The following TRPM3 variants were observed in gnomAD, a reference collection of about 807,000 sequenced individuals.
The protein encoded by TRPM3 is long transient receptor potential channel 3.
In TRPM3, 77 loss-of-function variants were observed where a neutral mutation model predicts 181.2. The ratio of observed to expected loss-of-function variants is 0.42; its 90% CI spans 0.35 to 0.51. The LOEUF (loss-of-function observed/expected upper bound fraction) is 0.51, where lower values mean the gene tolerates loss of function less well. TRPM3 is among the 20% of genes least tolerant of loss of function. The pLI, the probability that TRPM3 is intolerant of heterozygous loss-of-function variation, is 0.01. For missense variants in TRPM3, 1,759 were observed against 2,196.7 expected (o/e 0.80, Z 3.98); for synonymous variants, 745 against 796.4 (o/e 0.94, Z 1.09).
intron 22 of TRPM3, among the ~76,000 whole-genome samples, chr9:70,589,929 CG>C (rs1168947810): frequency 6.6e-6 from 1 of 152,098 alleles, no homozygotes; most frequent in Non-Finnish European, 1.5e-5. Flanking sequence ...TCAGTCCTAC[CG>C]GGGATGGGCA....
chr9:70,825,000 C>A (rs1162374079), intron 6 of TRPM3: 1 of 152,186 alleles, frequency 6.6e-6, no homozygotes, highest in Non-Finnish European at 1.5e-5. Flanking sequence ...TCACTCCCTA[C>A]CCTCTAAGGA....
chr9:71,371,635 T>C (rs1029500391), intron 1 of TRPM3, among the ~76,000 whole-genome samples: 15 of 152,218 alleles, frequency 9.9e-5, no homozygotes, highest in African/African-American at 3.4e-4. Flanking sequence ...CTGGTGAAGA[T>C]GCTTCACCAG....
At chr9:70,891,926 C>A (rs1668127905) in intron 1 of TRPM3, among the ~76,000 whole-genome samples, 2 of 152,158 alleles carry the variant, frequency 1.3e-5, no homozygotes, top group Admixed American at 6.5e-5. Context: ...GCCTTAGGCG[C>A]TTACCATATC....
chr9:70,909,775 A>G (rs117057966), intron 1 of TRPM3, among the ~76,000 whole-genome samples: 2,046 of 152,346 alleles, frequency 0.013, 19 homozygotes, highest in Non-Finnish European at 0.02. Flanking sequence ...AGAATTATTT[A>G]GGTCAGTGCA....
chr9:70,882,772 G>T (rs1049468290), intron 1 of TRPM3, among the ~76,000 whole-genome samples: 20 of 152,244 alleles, frequency 1.3e-4, no homozygotes, highest in Admixed American at 7.2e-4. Context: ...TTGATCATAT[G>T]AGGTCTACCT....
chr9:70,886,613 G>A (rs1166455807), intron 1 of TRPM3, among the ~76,000 whole-genome samples: 1 of 152,102 alleles, frequency 6.6e-6, no homozygotes, highest in Admixed American at 6.6e-5. Flanking sequence ...TGGGGATGGC[G>A]ATCCTCTGTG....
intron 6 of TRPM3, among the ~76,000 whole-genome samples, chr9:70,823,257 G>T (rs2093328242): frequency 6.6e-6 from 1 of 152,114 alleles, no homozygotes; most frequent in South Asian, 2.1e-4. Context: ...CCTCCTGAAG[G>T]CATTTCCTTG....
chr9:71,220,056 T>C (rs191324849), intron 1 of TRPM3, among the ~76,000 whole-genome samples: 62 of 152,344 alleles, frequency 4.1e-4, no homozygotes, highest in Non-Finnish European at 5.4e-4. Flanking sequence ...CCCATTGTTT[T>C]ATAATTCATT....
intron 1 of TRPM3, among the ~76,000 whole-genome samples, chr9:71,019,157 A>T (rs530298284): frequency 6.6e-6 from 1 of 152,088 alleles, no homozygotes; most frequent in African/African-American, 2.4e-5. Flanking sequence ...AGCAAATATG[A>T]TCTTTAATAG....
intron 1 of TRPM3, among the ~76,000 whole-genome samples, chr9:71,297,268 A>G (rs1392272632): frequency 4.6e-5 from 7 of 152,092 alleles, no homozygotes; most frequent in Non-Finnish European, 1.5e-5. Flanking sequence ...TTAATAGTAT[A>G]ATGGTTGTGA....
At chr9:70,916,776 A>G (rs1362464031) in intron 1 of TRPM3, among the ~76,000 whole-genome samples, 1 of 151,296 alleles carries the variant, frequency 6.6e-6, no homozygotes, top group Non-Finnish European at 1.5e-5. Context: ...TTATATGGAA[A>G]AATGCTTCAG....
At chr9:71,081,228 A>G (rs2064285696) in intron 1 of TRPM3, among the ~76,000 whole-genome samples, 1 of 152,222 alleles carries the variant, frequency 6.6e-6, no homozygotes, top group Admixed American at 6.5e-5. Context: ...AAGACAGGAT[A>G]TAGTCACAGA....
chr9:70,597,249 T>C (rs1012447524), intron 21 of TRPM3, among the ~76,000 whole-genome samples: 1 of 151,940 alleles, frequency 6.6e-6, no homozygotes, highest in Admixed American at 6.6e-5. Context: ...TTTCATTAGT[T>C]TTTGTATCAC....
intron 1 of TRPM3, among the ~76,000 whole-genome samples, chr9:70,998,202 C>CAT (rs1283880506): frequency 6.9e-6 from 1 of 143,960 alleles, no homozygotes; most frequent in East Asian, 2.0e-4. Flanking sequence ...CACATATATA[C>CAT]ATATATATAC....
At chr9:71,129,599 G>A (rs1262321839) in intron 1 of TRPM3, among the ~76,000 whole-genome samples, 1 of 152,038 alleles carries the variant, frequency 6.6e-6, no homozygotes, top group Non-Finnish European at 1.5e-5. Context: ...AGGTCACGTG[G>A]GTGGTAAACG....
At chr9:71,422,199 C>T (rs890413177) in intron 1 of TRPM3, among the ~76,000 whole-genome samples, 4 of 151,882 alleles carry the variant, frequency 2.6e-5, no homozygotes, top group African/African-American at 9.7e-5. Context: ...TGGTCAATAT[C>T]ACAAAGATAC....
intron 1 of TRPM3, among the ~76,000 whole-genome samples, chr9:71,147,350 C>A (rs999820983): frequency 2.0e-5 from 3 of 151,386 alleles, no homozygotes; most frequent in African/African-American, 7.3e-5. Flanking sequence ...TTGCTTCTTG[C>A]CTTTAAGGAG....
chr9:71,357,069 T>C (rs1211447871), intron 1 of TRPM3, among the ~76,000 whole-genome samples: 1 of 152,158 alleles, frequency 6.6e-6, no homozygotes, highest in East Asian at 1.9e-4. Context: ...GCAGAGTATG[T>C]ATAAACAGAG....
chr9:71,069,243 C>T (rs184940361), intron 1 of TRPM3, among the ~76,000 whole-genome samples: 18 of 152,280 alleles, frequency 1.2e-4, no homozygotes, highest in African/African-American at 3.1e-4. Context: ...AGTGCAGTGG[C>T]GCCATCTCGG....
Sources: allele counts gnomAD v4.1 joint callset (sites outside exome capture counted in the v4.1 genomes callset), GRCh38; gene constraint gnomAD v4.1.1; transcripts MANE v1.5; gene names NCBI Gene and HGNC (gene_info 2026-07-23, HGNC 2026-07-21).